Variants in SDK1 observed in about 807,000 individuals in gnomAD.
The protein encoded by SDK1 is protein sidekick-1.
SDK1 carries 157 observed loss-of-function variants against 245.5 expected under a neutral mutation model. That is an observed-to-expected ratio of 0.64 (90% CI 0.56 to 0.73). SDK1 has a LOEUF of 0.73. Among genes scored for constraint, SDK1 ranks in the 30% least tolerant of loss-of-function variants. The pLI, the probability that SDK1 is intolerant of heterozygous loss-of-function variation, is 0.00. For synonymous variants in SDK1, 1,647 were observed against 1,278.5 expected (o/e 1.29, Z -6.15); for missense variants, 3,583 against 3,002.3 (o/e 1.19, Z -4.52).
intron 32 of SDK1, among the ~76,000 whole-genome samples, chr7:4,167,304 T>G (rs1488329231): frequency 6.6e-6 from 1 of 152,050 alleles, no homozygotes; most frequent in Non-Finnish European, 1.5e-5. Context: ...GGAGAATTGC[T>G]TGAACCCGAG....
intron 4 of SDK1, among the ~76,000 whole-genome samples, chr7:3,701,163 G>A (rs184691656): frequency 1.3e-5 from 2 of 152,106 alleles, no homozygotes; most frequent in Non-Finnish European, 2.9e-5. Flanking sequence ...AGCAGTAAGC[G>A]TGGAAATTGA....
In SDK1 at chr7:3,950,482, C is replaced by T. The variant is rs536300682; in HGVS notation, c.848-441C>T. Among the ~76,000 whole-genome samples the T allele has an allele frequency of 2.1e-4, 32 of 152,278 alleles. No homozygotes were observed. In the South Asian group the frequency reaches 6.0e-3, roughly 29 times the overall value. On this transcript the variant is annotated intron_variant, in intron 5 of 44. Coordinates refer to ENST00000404826, the MANE Select transcript of SDK1 (RefSeq NM_152744.4). Reference sequence around the variant, plus strand: ...TTGAGAGATAGAGAGGGACCACATTCGCATAACTTTCATTACATTATGTTA... The same window carrying T: ...TTGAGAGATAGAGAGGGACCACATTTGCATAACTTTCATTACATTATGTTA...
At chr7:3,786,178 T>A (rs574207792) in intron 4 of SDK1, among the ~76,000 whole-genome samples, 13 of 152,300 alleles carry the variant, frequency 8.5e-5, no homozygotes, top group South Asian at 4.1e-4. Context: ...CCTTCTTCCT[T>A]CCATCCTTGT....
At chr7:4,100,741 T>G (rs1782481592) in intron 22 of SDK1, among the ~76,000 whole-genome samples, 2 of 152,026 alleles carry the variant, frequency 1.3e-5, no homozygotes, top group Non-Finnish European at 2.9e-5. Flanking sequence ...TGGAGTGTCA[T>G]CACAGTCGCC....
At chr7:3,787,593 A>G (rs1780945652) in intron 4 of SDK1, among the ~76,000 whole-genome samples, 1 of 152,290 alleles carries the variant, frequency 6.6e-6, no homozygotes, top group South Asian at 2.1e-4. Flanking sequence ...CTAAAGTACC[A>G]TTTTATAAAT....
At position 3,470,875 on chromosome 7, in the gene SDK1, A is replaced by G. The variant is rs141434827; in HGVS notation, c.299-148205A>G. Among the ~76,000 whole-genome samples the G allele has an allele frequency of 2.5e-3, 374 of 152,296 alleles. 4 individuals are homozygous for G. The highest frequency in any genetic ancestry group is 8.6e-3 in the African/African-American group (358 of 41,574). ...TATTATCATTTACTCACCTTGTATT[A>G]TGTGCTTAAGGAGTTGGAGAATTCA... is the stretch of plus-strand genomic sequence containing the variant. On this transcript the variant is annotated intron_variant, in intron 1 of 44. Transcript: ENST00000404826.
At position 3,672,582 on chromosome 7, in the gene SDK1, A is replaced by AAT. The variant is rs563633011; in HGVS notation, c.713+30489_713+30490dup. On this transcript the variant is annotated intron_variant, in intron 4 of 44. Transcript: ENST00000404826. Reference sequence around the variant, plus strand: ...ATCGATAAAGGAGATGATGTGGAGAAATATATATATATAATATATATATTT... The same window carrying AAT: ...ATCGATAAAGGAGATGATGTGGAGAAATATATATATATATAATATATATATTT... Among the ~76,000 whole-genome samples, 799 of 142,428 alleles carry AAT rather than the reference A, an allele frequency of 5.6e-3. 11 individuals carry two copies. Among genetic ancestry groups the AAT allele is most frequent in the African/African-American group, 0.017 (648 of 38,510 alleles). The allele number at this position is 142,428 out of a possible 152,430, so 93.4% of individuals were successfully genotyped here. A position where few individuals can be genotyped will look rare whatever the true frequency, so the allele number is the denominator to read the frequency against.
chr7:3,908,688 A>G (rs1779047263), intron 5 of SDK1, among the ~76,000 whole-genome samples: 1 of 152,074 alleles, frequency 6.6e-6, no homozygotes, highest in Admixed American at 6.5e-5. Context: ...CCTCTTTAAT[A>G]TATTTTTCAT....
intron 20 of SDK1, among the ~76,000 whole-genome samples, chr7:4,070,179 A>G (rs2128174167): frequency 6.6e-6 from 1 of 152,302 alleles, no homozygotes; most frequent in East Asian, 1.9e-4. Flanking sequence ...TAATACTTGC[A>G]TTTCTTTTTT....
intron 35 of SDK1, among the ~76,000 whole-genome samples, chr7:4,196,147 T>C (rs545357496): frequency 3.2e-3 from 493 of 152,290 alleles, no homozygotes; most frequent in African/African-American, 0.011. Flanking sequence ...TAGCTCATTA[T>C]GGGGGATGTG....
intron 1 of SDK1, among the ~76,000 whole-genome samples, chr7:3,586,795 TG>T (rs1332452048): frequency 6.6e-6 from 1 of 151,972 alleles, no homozygotes; most frequent in East Asian, 1.9e-4. Context: ...CTGGGTATCA[TG>T]TGGGATGTCT....
chr7:3,941,840 G>A (rs1379120732), intron 5 of SDK1, among the ~76,000 whole-genome samples: 1 of 151,714 alleles, frequency 6.6e-6, no homozygotes, highest in African/African-American at 2.4e-5. Context: ...TACAGTTGCA[G>A]TCATCCTGTA....
chr7:3,913,379 C>T (rs979877924), intron 5 of SDK1, among the ~76,000 whole-genome samples: 11 of 151,568 alleles, frequency 7.3e-5, no homozygotes, highest in Non-Finnish European at 1.3e-4. Context: ...CTGCAACCTC[C>T]GCCTCCCAGG....
intron 1 of SDK1, among the ~76,000 whole-genome samples, chr7:3,594,932 G>A (rs1583207179): frequency 6.6e-6 from 1 of 152,020 alleles, no homozygotes; most frequent in African/African-American, 2.4e-5. Context: ...AATGTATAGG[G>A]TTTACTGTTT....
chr7:3,764,391 A>C (rs1780191297), intron 4 of SDK1, among the ~76,000 whole-genome samples: 1 of 152,202 alleles, frequency 6.6e-6, no homozygotes, highest in African/African-American at 2.4e-5. Flanking sequence ...CATAGATTAA[A>C]ATAACCATCC....
intron 4 of SDK1, among the ~76,000 whole-genome samples, chr7:3,782,504 T>C (rs889456073): frequency 2.0e-5 from 3 of 152,146 alleles, no homozygotes; most frequent in African/African-American, 7.2e-5. Context: ...TAGAAGAGTT[T>C]ACCAAGGCAC....
intron 1 of SDK1, among the ~76,000 whole-genome samples, chr7:3,324,220 G>T (rs557468527): frequency 6.6e-6 from 1 of 152,118 alleles, no homozygotes; most frequent in Non-Finnish European, 1.5e-5. Context: ...TGTTTTGATT[G>T]TAAGAATGTT....
chr7:4,228,941 C>G (rs1191338020), intron 40 of SDK1, among the ~76,000 whole-genome samples: 2 of 152,150 alleles, frequency 1.3e-5, no homozygotes. Flanking sequence ...GGGTGATTGA[C>G]AAGTGGCTGA....
chr7:3,697,408 A>G (rs932896317), intron 4 of SDK1, among the ~76,000 whole-genome samples: 4 of 152,186 alleles, frequency 2.6e-5, no homozygotes, highest in Non-Finnish European at 4.4e-5. Context: ...AACTAATGGA[A>G]TTGAGTGACG....
Sources: allele counts gnomAD v4.1 joint callset (sites outside exome capture counted in the v4.1 genomes callset), GRCh38; gene constraint gnomAD v4.1.1; transcripts MANE v1.5; gene names NCBI Gene and HGNC (gene_info 2026-07-23, HGNC 2026-07-21).